TBC1D4: variants seen among roughly 807,000 people sequenced by gnomAD.
TBC1D4 encodes TBC (Tre-2, BUB2, CDC16) domain-containing protein.
A neutral mutation model predicts 142.5 loss-of-function variants in TBC1D4; 121 were observed. That is an observed-to-expected ratio of 0.85 (90% CI 0.73 to 0.99). The LOEUF (loss-of-function observed/expected upper bound fraction) is 0.99, where lower values mean the gene tolerates loss of function less well. Ranked by LOEUF, TBC1D4 falls within the 50% of genes least tolerant of loss-of-function variation. The probability of loss-of-function intolerance (pLI) is 0.00; values close to 1 mark genes in which losing one functional copy is unlikely to be tolerated. For missense variants in TBC1D4, 1,475 were observed against 1,606.6 expected, an observed-to-expected ratio of 0.92 and a Z score of 1.40; for synonymous variants, 630 against 628.2, an observed-to-expected ratio of 1.00 and a Z score of -0.04.
At chr13:75,480,218 G>A (rs1221989628) in intron 1 of TBC1D4, among the ~76,000 whole-genome samples, 1 of 152,128 alleles carries the variant, frequency 6.6e-6, no homozygotes, top group African/African-American at 2.4e-5. Context: ...ATCTGACTAC[G>A]ATTAATTTCC....
At chr13:75,370,053 A>T (rs976675747) in intron 1 of TBC1D4, among the ~76,000 whole-genome samples, 3 of 152,194 alleles carry the variant, frequency 2.0e-5, no homozygotes, top group African/African-American at 7.2e-5. Context: ...GACTCTCTAT[A>T]AGATGATATA....
In TBC1D4 at chr13:75,468,191, G is replaced by A. The variant is rs183975309; in HGVS notation, c.498+13079C>T. Among the ~76,000 whole-genome samples, 9 of 152,200 alleles carry A rather than the reference G, an allele frequency of 5.9e-5. No homozygotes were observed. In the East Asian group the frequency reaches 9.7e-4, roughly 16 times the overall value. On this transcript the variant is annotated intron_variant, in intron 1 of 20. Coordinates refer to ENST00000377636, the MANE Select transcript of TBC1D4 (RefSeq NM_014832.5). Reference sequence around the variant, plus strand: ...TTTTTCATGTTACATGACTAATTACGGAAGAGTGGGGTCCAGAGCTTCAAT... The same window carrying A: ...TTTTTCATGTTACATGACTAATTACAGAAGAGTGGGGTCCAGAGCTTCAAT...
At chr13:75,385,299 C>T (rs1218801797) in intron 1 of TBC1D4, among the ~76,000 whole-genome samples, 3 of 152,154 alleles carry the variant, frequency 2.0e-5, no homozygotes, top group Admixed American at 6.5e-5. Context: ...TTACCTATCC[C>T]AAGCACAAGG....
At chr13:75,371,507 G>A (rs1351800618) in intron 1 of TBC1D4, among the ~76,000 whole-genome samples, 1 of 152,184 alleles carries the variant, frequency 6.6e-6, no homozygotes, top group East Asian at 1.9e-4. Context: ...AATTTTCTCT[G>A]TAAAATAGCA....
At chr13:75,467,042 TG>T (rs1317717878) in intron 1 of TBC1D4, among the ~76,000 whole-genome samples, 1 of 152,078 alleles carries the variant, frequency 6.6e-6, no homozygotes, top group Non-Finnish European at 1.5e-5. Flanking sequence ...AACTACTAAC[TG>T]GTACAATCAC....
intron 1 of TBC1D4, among the ~76,000 whole-genome samples, chr13:75,372,988 C>A (rs1478863732): frequency 6.6e-6 from 1 of 152,140 alleles, no homozygotes; most frequent in Non-Finnish European, 1.5e-5. Flanking sequence ...AAACAAAATC[C>A]TAAAACTGAA....
chr13:75,481,203 C>T, intron 1 of TBC1D4, 67 bp downstream of exon 1: 3 of 1,321,596 alleles, frequency 2.3e-6, no homozygotes, highest in South Asian at 1.3e-5. Context: ...GGTCCCCGCC[C>T]CTCCCGCCCT....
chr13:75,358,398 T>C (rs1882232150), intron 3 of TBC1D4, among the ~76,000 whole-genome samples: 1 of 152,228 alleles, frequency 6.6e-6, no homozygotes, highest in African/African-American at 2.4e-5. Flanking sequence ...AATGTAGAAA[T>C]TTACAATATA....
intron 1 of TBC1D4, among the ~76,000 whole-genome samples, chr13:75,408,431 T>C (rs535281736): frequency 6.6e-6 from 1 of 152,330 alleles, no homozygotes; most frequent in South Asian, 2.1e-4. Flanking sequence ...ACGAGGGTTA[T>C]TTTTGGTATA....
chr13:75,477,119 C>CA (rs1391944312), intron 1 of TBC1D4, among the ~76,000 whole-genome samples: 2 of 151,852 alleles, frequency 1.3e-5, no homozygotes, highest in East Asian at 3.9e-4. Flanking sequence ...AAAATGATTA[C>CA]AAAAAAAGAG....
chr13:75,457,142 A>G (rs2138265158), intron 1 of TBC1D4, among the ~76,000 whole-genome samples: 1 of 152,350 alleles, frequency 6.6e-6, no homozygotes, highest in South Asian at 2.1e-4. Flanking sequence ...ATCAACTGGA[A>G]GAGGGTACAA....
intron 15 of TBC1D4, 62 bp downstream of exon 15, chr13:75,306,248 CAAA>C (rs33992075): frequency 2.4e-3 from 3,067 of 1,267,400 alleles, no homozygotes; most frequent in South Asian, 4.6e-3. Context: ...ACAAATCAAA[CAAA>C]AAAAAAAAAT....
rs569161330 is a variant in TBC1D4, at chr13:75,461,609, T to C, written c.498+19661A>G. On this transcript the variant is annotated intron_variant, in intron 1 of 20. Transcript: ENST00000377636. ...TTCAACCTGTAAATGTCATATTATT[T>C]ATAGAAATGTAAGAATGACAGAAAA... Among the ~76,000 whole-genome samples the C allele has an allele frequency of 1.6e-4, 24 of 152,354 alleles. No individual in the cohort carries two copies. In the South Asian group the frequency reaches 5.0e-3, roughly 32 times the overall value.
chr13:75,412,990 C>T (rs998259360), intron 1 of TBC1D4, among the ~76,000 whole-genome samples: 18 of 152,250 alleles, frequency 1.2e-4, no homozygotes, highest in African/African-American at 4.3e-4. Flanking sequence ...GGAATGGTCC[C>T]TTGCAACCAC....
At chr13:75,392,869 G>A (rs1233398604) in intron 1 of TBC1D4, among the ~76,000 whole-genome samples, 1 of 152,002 alleles carries the variant, frequency 6.6e-6, no homozygotes, top group Non-Finnish European at 1.5e-5. Context: ...TGAACTCCTA[G>A]CCTTAAGTGA....
At chr13:75,341,850 G>A (rs909092235) in intron 5 of TBC1D4, among the ~76,000 whole-genome samples, 1 of 152,136 alleles carries the variant, frequency 6.6e-6, no homozygotes, top group Non-Finnish European at 1.5e-5. Context: ...ACAGTGGCTC[G>A]CGCCTGTAAT....
chr13:75,330,038 C>G (rs1245763191), intron 8 of TBC1D4, among the ~76,000 whole-genome samples: 1 of 152,230 alleles, frequency 6.6e-6, no homozygotes, highest in Non-Finnish European at 1.5e-5. Context: ...CGCTCTTTAG[C>G]TCTGAGAAAT....
intron 1 of TBC1D4, among the ~76,000 whole-genome samples, chr13:75,424,999 G>T (rs74849023): frequency 0.043 from 6,547 of 152,112 alleles, 171 homozygotes; most frequent in Non-Finnish European, 0.048. Flanking sequence ...AGACAAATGG[G>T]ATGTAATCAA....
At chr13:75,398,805 A>T (rs2138338737) in intron 1 of TBC1D4, among the ~76,000 whole-genome samples, 1 of 152,320 alleles carries the variant, frequency 6.6e-6, no homozygotes, top group Admixed American at 6.5e-5. Context: ...CAAGAAAGTA[A>T]GACTCCTTTT....
Sources: allele counts gnomAD v4.1 joint callset (sites outside exome capture counted in the v4.1 genomes callset), GRCh38; gene constraint gnomAD v4.1.1; transcripts MANE v1.5; gene names NCBI Gene and HGNC (gene_info 2026-07-23, HGNC 2026-07-21).